PTPRN2: variants seen among roughly 807,000 people sequenced by gnomAD.
The protein encoded by PTPRN2 is protein tyrosine phosphatase receptor type N2, also known as receptor-type tyrosine-protein phosphatase N2.
Under a neutral mutation model 118.8 loss-of-function variants are expected in PTPRN2, and 74 were observed. The observed-to-expected ratio is 0.62, with a 90% confidence interval of 0.52 to 0.76. PTPRN2 has a LOEUF of 0.76. Ranked by LOEUF, PTPRN2 falls within the 30% of genes least tolerant of loss-of-function variation. The pLI is 0.00. For missense variants in PTPRN2, 1,481 were observed against 1,394.4 expected (o/e 1.06, Z -0.99); for synonymous variants, 641 against 608.0 (o/e 1.05, Z -0.80).
intron 3 of PTPRN2, among the ~76,000 whole-genome samples, chr7:158,269,487 G>A (rs1300324065): frequency 6.6e-6 from 1 of 152,202 alleles, no homozygotes; most frequent in Non-Finnish European, 1.5e-5. Flanking sequence ...CCAGACACCT[G>A]GGAAGTCTGG....
chr7:158,285,207 C>T (rs1258409738), intron 3 of PTPRN2, among the ~76,000 whole-genome samples: 1 of 152,152 alleles, frequency 6.6e-6, no homozygotes, highest in East Asian at 1.9e-4. Context: ...TGCGCTCCTG[C>T]CCAGAATGTG....
intron 3 of PTPRN2, among the ~76,000 whole-genome samples, chr7:158,267,311 CG>C (rs1463140710): frequency 3.5e-5 from 5 of 141,306 alleles, no homozygotes; most frequent in Non-Finnish European, 6.4e-5. Context: ...CTGGTTCCCG[CG>C]GGGAACCCCG....
rs765069769 is a variant in PTPRN2, at chr7:157,929,254, G to T, written c.1724-30517C>A. On this transcript the variant is annotated intron_variant, in intron 11 of 22. Transcript: ENST00000389418. This position sits in a 1 kb window ranked among gnomAD's most constrained non-coding sequence, Gnocchi z 4.4. The stretch of plus-strand genomic sequence containing the variant: ...CATAACCCACAGCCCCTCTTCCCCA[G>T]TACGCCGTGGCAGCCTGCCATCCGC... 2.2e-4 allele frequency among the ~76,000 whole-genome samples: 33 copies of T among 152,224 alleles called. No homozygotes were observed. Among genetic ancestry groups the T allele is most frequent in the Admixed American group, 9.8e-4 (15 of 15,290 alleles).
intron 1 of PTPRN2, 51 bp downstream of exon 1, chr7:158,587,507 C>A: frequency 1.1e-5 from 12 of 1,110,108 alleles, no homozygotes; most frequent in Non-Finnish European, 1.3e-5. Context: ...CCTCTCACAA[C>A]GCCCCCAACT....
intron 2 of PTPRN2, among the ~76,000 whole-genome samples, chr7:158,463,713 T>A (rs1385240581): frequency 1.3e-5 from 2 of 152,110 alleles, no homozygotes; most frequent in African/African-American, 4.8e-5. Flanking sequence ...ATCCTTACCA[T>A]CGCCATCATT....
chr7:158,334,706 A>T (rs1392798404), intron 2 of PTPRN2, among the ~76,000 whole-genome samples: 5 of 20,550 alleles, frequency 2.4e-4, no homozygotes, highest in Non-Finnish European at 4.3e-4. Context: ...ATAAGAGGTG[A>T]CACCTGCAGA....
rs574607712 is a variant in PTPRN2, at chr7:158,159,329, A to G, written c.910+7602T>C. Among the ~76,000 whole-genome samples, 25 of 152,362 alleles carry G rather than the reference A, an allele frequency of 1.6e-4. No homozygotes were observed. The South Asian group carries it at 5.2e-3, about 32-fold the overall frequency. On this transcript the variant is annotated intron_variant, in intron 6 of 22. Coordinates refer to ENST00000389418, the MANE Select transcript of PTPRN2 (RefSeq NM_002847.5). ...ATGAGTTTCCGAGTGCACTTCCCAC[A>G]TGAACACCACGGGCCCCATCTTAGG...
chr7:158,587,816 C>CA lies in PTPRN2; in HGVS notation c.-148dup. The CA allele has an allele frequency of 1.3e-6, 1 of 770,172 alleles. No homozygotes were observed. The highest frequency in any genetic ancestry group is 1.6e-6 in the Non-Finnish European group (1 of 634,656). 47.7% of individuals were successfully genotyped at this position (770,172 alleles called of 1,614,324 possible). On this transcript the variant is annotated 5_prime_UTR_variant, in exon 1 of 23. Coordinates refer to ENST00000389418, the MANE Select transcript of PTPRN2 (RefSeq NM_002847.5). ...GCGGCGACGCCGGGCCGAGCTTCAG[C>CA]ACCGGACAGCGCCCGGCCCCGCCCC...
intron 19 of PTPRN2, 59 bp downstream of exon 19, chr7:157,576,554 C>G (rs1040857829): frequency 1.0e-5 from 15 of 1,465,612 alleles, no homozygotes; most frequent in Non-Finnish European, 1.3e-5. Flanking sequence ...ACCGAAGCCT[C>G]GCTCCCCTGT....
intron 2 of PTPRN2, among the ~76,000 whole-genome samples, chr7:158,319,527 T>A (rs1353277276): frequency 1.4e-4 from 5 of 34,930 alleles, no homozygotes; most frequent in Admixed American, 6.8e-4. Flanking sequence ...ACAGCCTCCC[T>A]CACACACACA....
chr7:158,460,234 T>G (rs1818877195), intron 2 of PTPRN2, among the ~76,000 whole-genome samples: 1 of 142,026 alleles, frequency 7.0e-6, no homozygotes, highest in Admixed American at 6.9e-5. Flanking sequence ...AAGTTCCTGC[T>G]ACAGTGCCTG....
rs1327882468 is a variant in PTPRN2, at chr7:157,787,075, C to T, written c.1789-104138G>A. ...GCCCGGGAGGCGGACGCGGGTGCGG[C>T]GGGGGACGCGGGGGTGGCTGCCCGG... On this transcript the variant is annotated intron_variant, in intron 12 of 22. Transcript: ENST00000389418. The surrounding 1 kb of genome is among the most constrained non-coding windows in gnomAD (Gnocchi z 5.3). Among the ~76,000 whole-genome samples, 12 of 111,938 alleles carry T rather than the reference C, an allele frequency of 1.1e-4. No individual in the cohort carries two copies. Among genetic ancestry groups the T allele is most frequent in the Admixed American group, 3.6e-4 (4 of 11,016 alleles). 73.4% of individuals were successfully genotyped at this position (111,938 alleles called of 152,430 possible). A position where few individuals can be genotyped will look rare whatever the true frequency, so the allele number is the denominator to read the frequency against.
rs535094166 is a variant in PTPRN2 at position 157,860,017 on chromosome 7, A to G, written c.1788+38656T>C. Among the ~76,000 whole-genome samples, 5 of 150,164 alleles carry G rather than the reference A, an allele frequency of 3.3e-5. No individual in the cohort carries two copies. The East Asian group carries it at 9.9e-4, about 30-fold the overall frequency. The stretch of plus-strand genomic sequence containing the variant: ...CCCACACTCCTGCAGGGAGAGCCCC[A>G]GCCACTGTACACACTCCTGCAGGGA... On this transcript the variant is annotated intron_variant, in intron 12 of 22. Coordinates refer to ENST00000389418, the MANE Select transcript of PTPRN2 (RefSeq NM_002847.5).
chr7:157,744,516 A>AC (rs1403290380), intron 12 of PTPRN2, among the ~76,000 whole-genome samples: 2 of 152,244 alleles, frequency 1.3e-5, no homozygotes, highest in East Asian at 1.9e-4. Flanking sequence ...CCATTTTAAT[A>AC]TTAAAAAATT....
At chr7:158,142,094 G>A (rs543064915) in intron 6 of PTPRN2, among the ~76,000 whole-genome samples, 33 of 152,316 alleles carry the variant, frequency 2.2e-4, no homozygotes, top group South Asian at 1.0e-3. Context: ...TCTGACATCT[G>A]GGGCCCTGCT....
Position 157,682,981 on chromosome 7 carries a change from A to T in PTPRN2, c.1789-44T>A. ...GGGGTGTGTTAGCTCCTGACAAAGCATGACCTCCTAAAAACACACGTCTCC... is the reference window on the plus strand; with the variant it reads ...GGGGTGTGTTAGCTCCTGACAAAGCTTGACCTCCTAAAAACACACGTCTCC... On this transcript the variant is annotated intron_variant, in intron 12 of 22. Transcript: ENST00000389418. 4 of 1,486,958 alleles carry T rather than the reference A, an allele frequency of 2.7e-6. No individual in the cohort carries two copies. The South Asian group carries it at 4.6e-5, about 17-fold the overall frequency. The allele number at this position is 1,486,958 out of a possible 1,614,324, so 92.1% of individuals were successfully genotyped here.
In PTPRN2 at chr7:157,874,566, G is replaced by A. The variant is rs1161925685; in HGVS notation, c.1788+24107C>T. Among the ~76,000 whole-genome samples the A allele has an allele frequency of 1.3e-5, 2 of 152,242 alleles. No homozygotes were observed. The highest frequency in any genetic ancestry group is 4.1e-4 in the South Asian group (2 of 4,824). ...TTCGGGGTCACCTGCACGGCCTCTC[G>A]TGAGTAGGGGGATTTCCTACTCGCT... On this transcript the variant is annotated intron_variant, in intron 12 of 22. Transcript: ENST00000389418. The surrounding 1 kb of genome is among the most constrained non-coding windows in gnomAD (Gnocchi z 5.8).
At chr7:157,683,339 G>C (rs1050417748) in intron 12 of PTPRN2, among the ~76,000 whole-genome samples, 1 of 152,328 alleles carries the variant, frequency 6.6e-6, no homozygotes, top group Non-Finnish European at 1.5e-5. Flanking sequence ...CAGGCTTGGC[G>C]GTGGAGGAGG....
intron 2 of PTPRN2, among the ~76,000 whole-genome samples, chr7:158,454,262 G>A (rs1818296549): frequency 6.6e-6 from 1 of 151,922 alleles, no homozygotes. Flanking sequence ...AATCACTGAT[G>A]TGAGGATTGG....
Sources: gnomAD v4.1 joint callset for allele counts (sites outside exome capture counted in the v4.1 genomes callset) on GRCh38, gnomAD v4.1.1 for gene constraint, Gnocchi (gnomAD v3.1) non-coding constraint, MANE v1.5 for transcripts, NCBI Gene and HGNC (gene_info 2026-07-23, HGNC 2026-07-21) for gene names.